Variants in AOAH observed in about 807,000 individuals in gnomAD.
AOAH encodes acyloxyacyl hydrolase (neutrophil).
A neutral mutation model predicts 92.2 loss-of-function variants in AOAH; 64 were observed. That is an observed-to-expected ratio of 0.69 (90% CI 0.57 to 0.86). The LOEUF is 0.86. Among genes scored for constraint, AOAH ranks in the 40% least tolerant of loss-of-function variants. The probability of loss-of-function intolerance (pLI) is 0.00; values close to 1 mark genes in which losing one functional copy is unlikely to be tolerated. For synonymous variants in AOAH, 263 were observed against 254.5 expected (o/e 1.03, Z -0.32); for missense variants, 656 against 694.6 (o/e 0.94, Z 0.62).
At chr7:36,678,608 C>CTTGT (rs1796447344) in intron 2 of AOAH, among the ~76,000 whole-genome samples, 1 of 118,480 alleles carries the variant, frequency 8.4e-6, no homozygotes, top group African/African-American at 2.9e-5. Context: ...TGTGCGCGCG[C>CTTGT]GCGCGCGTTA....
chr7:36,682,168 C>A (rs1248452698), intron 2 of AOAH, among the ~76,000 whole-genome samples: 1 of 152,240 alleles, frequency 6.6e-6, no homozygotes. Context: ...CATCTGGCAC[C>A]CACAAGGGAC....
At chr7:36,658,450 T>C (rs924915055) in intron 4 of AOAH, among the ~76,000 whole-genome samples, 1 of 152,198 alleles carries the variant, frequency 6.6e-6, no homozygotes, top group African/African-American at 2.4e-5. Flanking sequence ...TTCAATATTA[T>C]CCTCTCATCC....
At chr7:36,683,712 G>A (rs1475908375) in intron 2 of AOAH, among the ~76,000 whole-genome samples, 1 of 135,352 alleles carries the variant, frequency 7.4e-6, no homozygotes, top group Non-Finnish European at 1.7e-5. Flanking sequence ...AAAAAATATT[G>A]TGGTTCTGAA....
intron 16 of AOAH, among the ~76,000 whole-genome samples, chr7:36,535,615 C>T (rs1245182226): frequency 1.3e-5 from 2 of 152,206 alleles, no homozygotes; most frequent in Admixed American, 1.3e-4. Context: ...GAGTCCCTGG[C>T]TTCCTCTCCA....
At chr7:36,514,357 G>C (rs1790214877) in intron 20 of AOAH, 1 of 738,740 alleles carries the variant, frequency 1.4e-6, no homozygotes, top group Non-Finnish European at 2.2e-6. Context: ...TGACTGGGTG[G>C]GGGGTGGGAT....
chr7:36,513,216 C>T lies in AOAH; in HGVS notation c.*36G>A, dbSNP rs776444157. ...AATGAGTTTACCCAAGCCTCTGCCT[C>T]CCTGTGCTCCCCAGGGGTGCATGCT... On this transcript the variant is annotated 3_prime_UTR_variant, in exon 21 of 21. Transcript: ENST00000617537. The T allele has an allele frequency of 3.7e-6, 6 of 1,614,038 alleles. No individual in the cohort carries two copies. Among genetic ancestry groups the T allele is most frequent in the South Asian group, 3.3e-5 (3 of 91,086 alleles).
rs552842118 is a variant in AOAH at position 36,692,050 on chromosome 7, T to C, written c.128-5256A>G. ...CCCCAGGAGACCAACTGAAGAATTA[T>C]CCAACTGTGCCCAGCTCACAGAATA... On this transcript the variant is annotated intron_variant, in intron 1 of 20. Transcript: ENST00000617537. Among the ~76,000 whole-genome samples, 18 of 152,318 alleles carry C rather than the reference T, an allele frequency of 1.2e-4. 1 individual carries two copies. Among genetic ancestry groups the C allele is most frequent in the South Asian group, 8.3e-4 (4 of 4,826 alleles).
chr7:36,575,888 G>A (rs557702166), intron 13 of AOAH, among the ~76,000 whole-genome samples: 4 of 152,314 alleles, frequency 2.6e-5, no homozygotes, highest in South Asian at 4.1e-4. Context: ...ATTGTCAGAC[G>A]TGCTGTGTTT....
At position 36,702,402 on chromosome 7, in the gene AOAH, A is replaced by G. The variant is rs539016992; in HGVS notation, c.128-15608T>C. 3.7e-4 allele frequency among the ~76,000 whole-genome samples: 56 copies of G among 152,138 alleles called. 1 individual carries two copies. Among genetic ancestry groups the G allele is most frequent in the African/African-American group, 1.2e-3 (51 of 41,500 alleles). On this transcript the variant is annotated intron_variant, in intron 1 of 20. Coordinates refer to ENST00000617537, the MANE Select transcript of AOAH (RefSeq NM_001637.4). Reference sequence around the variant, plus strand: ...GTTTATCTGGGAATGTGTTTATTTCACTTTCATTTCTGAATAATGTTTTAA... The same window carrying G: ...GTTTATCTGGGAATGTGTTTATTTCGCTTTCATTTCTGAATAATGTTTTAA...
At chr7:36,708,108 A>G (rs1279635159) in intron 1 of AOAH, among the ~76,000 whole-genome samples, 1 of 151,820 alleles carries the variant, frequency 6.6e-6, no homozygotes, top group East Asian at 1.9e-4. Context: ...TTCATTTTTA[A>G]AAAGCTGTTA....
chr7:36,721,258 C>G lies in AOAH; in HGVS notation c.127+2764G>C, dbSNP rs147440158. 2.9e-3 allele frequency among the ~76,000 whole-genome samples: 437 copies of G among 152,320 alleles called. 3 individuals are homozygous for G. Among genetic ancestry groups the G allele is most frequent in the South Asian group, 0.021 (100 of 4,818 alleles). The stretch of plus-strand genomic sequence containing the variant: ...CTGTTTGATGTGGGAATTCCAAGAC[C>G]TGCACCTACTTCAGGACAACTCTGA... On this transcript the variant is annotated intron_variant, in intron 1 of 20. Transcript: ENST00000617537.
intron 13 of AOAH, among the ~76,000 whole-genome samples, chr7:36,549,857 C>A (rs550577140): frequency 6.6e-6 from 1 of 152,042 alleles, no homozygotes; most frequent in Non-Finnish European, 1.5e-5. Context: ...TAGAGGAAAA[C>A]GAAAAGAATG....
intron 11 of AOAH, among the ~76,000 whole-genome samples, chr7:36,603,646 T>C (rs1173305438): frequency 1.3e-5 from 2 of 152,190 alleles, no homozygotes; most frequent in Non-Finnish European, 2.9e-5. Context: ...ATAGACAATA[T>C]GTAAGTGAAC....
At chr7:36,579,563 G>A (rs187966087) in intron 12 of AOAH, among the ~76,000 whole-genome samples, 11 of 151,840 alleles carry the variant, frequency 7.2e-5, no homozygotes, top group Non-Finnish European at 1.3e-4. Flanking sequence ...ACTCTCACAA[G>A]GTCCCATAAT....
At chr7:36,705,089 A>AAGG (rs1758837956) in intron 1 of AOAH, among the ~76,000 whole-genome samples, 1 of 152,212 alleles carries the variant, frequency 6.6e-6, no homozygotes, top group South Asian at 2.1e-4. Flanking sequence ...GGCACAAGAC[A>AAGG]AGGATGTGCT....
In AOAH at chr7:36,724,394, T is replaced by C. The variant is rs1011364928; in HGVS notation, c.-246A>G. On this transcript the variant is annotated 5_prime_UTR_variant, in exon 1 of 21. Coordinates refer to ENST00000617537, the MANE Select transcript of AOAH (RefSeq NM_001637.4). ...CCTGAGAGAGCCACACACAAAGAGC[T>C]GGAGGGAGTCTGTGGTGTGCGGTTC... The C allele has an allele frequency of 7.9e-6, 3 of 381,894 alleles. No individual in the cohort carries two copies. The highest frequency in any genetic ancestry group is 1.5e-5 in the Non-Finnish European group (3 of 199,790). The allele number at this position is 381,894 out of a possible 1,614,324, so 23.7% of individuals were successfully genotyped here.
At chr7:36,654,515 T>A (rs1322710823) in intron 4 of AOAH, among the ~76,000 whole-genome samples, 1 of 152,184 alleles carries the variant, frequency 6.6e-6, no homozygotes, top group African/African-American at 2.4e-5. Flanking sequence ...CCAAATGCAG[T>A]TCCACCTTTA....
chr7:36,724,277 C>T lies in AOAH; in HGVS notation c.-129G>A. On this transcript the variant is annotated 5_prime_UTR_variant, in exon 1 of 21. Transcript: ENST00000617537. ...TCCTCACTCTCTTTGACACACACAC[C>T]CCACCCTCTCACATACACACTTTTC... The T allele has an allele frequency of 9.6e-7, 1 of 1,042,396 alleles. No individual in the cohort carries two copies. The highest frequency in any genetic ancestry group is 1.4e-6 in the Non-Finnish European group (1 of 705,992). The allele number at this position is 1,042,396 out of a possible 1,614,324, so 64.6% of individuals were successfully genotyped here.
intron 16 of AOAH, among the ~76,000 whole-genome samples, chr7:36,537,519 TTTTG>T (rs1562546249): frequency 6.8e-6 from 1 of 147,520 alleles, no homozygotes; most frequent in Admixed American, 6.8e-5. Context: ...TTTTTTTTTT[TTTTG>T]TTTGTTTGTT....
Sources: gnomAD v4.1 joint callset for allele counts (sites outside exome capture counted in the v4.1 genomes callset) on GRCh38, gnomAD v4.1.1 for gene constraint, MANE v1.5 for transcripts, NCBI Gene and HGNC (gene_info 2026-07-23, HGNC 2026-07-21) for gene names.